Variants in VWA3A observed in about 807,000 individuals in gnomAD.
The protein encoded by VWA3A is von Willebrand factor A domain-containing protein 3A.
Under a neutral mutation model 160.4 loss-of-function variants are expected in VWA3A, and 134 were observed. The observed-to-expected ratio is 0.84, with a 90% CI of 0.73 to 0.96. The LOEUF (loss-of-function observed/expected upper bound fraction) is 0.96, where lower values mean the gene tolerates loss of function less well. VWA3A is among the 40% of genes least tolerant of loss of function. VWA3A has a pLI of 0.00. For synonymous variants in VWA3A, 476 were observed against 543.4 expected, an observed-to-expected ratio of 0.88 and a Z score of 1.72; for missense variants, 1,310 against 1,447.9, an observed-to-expected ratio of 0.90 and a Z score of 1.55.
chr16:22,123,312 G>A (rs2045779960), intron 15 of VWA3A, 147 bp downstream of exon 15: 10 of 1,121,952 alleles, frequency 8.9e-6, no homozygotes, highest in Non-Finnish European at 1.3e-5. Context: ...GCCTCCTGAA[G>A]CTTTGGCCAT....
At chr16:22,106,982 TGAA>T (rs2045491562) in intron 6 of VWA3A, among the ~76,000 whole-genome samples, 1 of 152,168 alleles carries the variant, frequency 6.6e-6, no homozygotes, top group Non-Finnish European at 1.5e-5. Flanking sequence ...GAAACAGTCT[TGAA>T]GAAAACTGAG....
At chr16:22,120,421 ATAAC>A (rs1225903934) in intron 12 of VWA3A, among the ~76,000 whole-genome samples, 1 of 152,246 alleles carries the variant, frequency 6.6e-6, no homozygotes, top group Non-Finnish European at 1.5e-5. Context: ...AAGAAAATTA[ATAAC>A]TAAAAAGCAT....
rs147490330 is a variant in VWA3A at position 22,105,401 on chromosome 16, A to G, written c.483+1872A>G. On this transcript the variant is annotated intron_variant, in intron 6 of 33. Coordinates refer to ENST00000389398, the MANE Select transcript of VWA3A (RefSeq NM_173615.5). ...GCAGGCAGCCTGAGGTGATGGCCAGATAATCGCTGGTCCCTGTTCCTGTTC... is the reference window on the plus strand; with the variant it reads ...GCAGGCAGCCTGAGGTGATGGCCAGGTAATCGCTGGTCCCTGTTCCTGTTC... Among the ~76,000 whole-genome samples the G allele has an allele frequency of 2.8e-3, 425 of 152,304 alleles. 1 individual carries two copies. Among genetic ancestry groups the G allele is most frequent in the Admixed American group, 4.8e-3 (74 of 15,292 alleles).
intron 1 of VWA3A, 63 bp from the exon 2 acceptor site, chr16:22,096,796 C>A: frequency 9.5e-7 from 1 of 1,054,788 alleles, no homozygotes; most frequent in Non-Finnish European, 1.4e-6. Flanking sequence ...ATATAGATAC[C>A]CCCCAAAACT....
chr16:22,110,256 G>T (rs542388391), intron 7 of VWA3A, among the ~76,000 whole-genome samples: 1 of 152,332 alleles, frequency 6.6e-6, no homozygotes, highest in East Asian at 1.9e-4. Context: ...TAGAGAAAAA[G>T]CCTCTGCAGC....
At chr16:22,135,819 T>C (rs951647599) in intron 21 of VWA3A, among the ~76,000 whole-genome samples, 2 of 152,152 alleles carry the variant, frequency 1.3e-5, no homozygotes, top group Non-Finnish European at 2.9e-5. Context: ...AGACAGAGTC[T>C]CACTCTGTCG....
intron 2 of VWA3A, among the ~76,000 whole-genome samples, chr16:22,097,151 G>C (rs1294873440): frequency 6.6e-6 from 1 of 151,890 alleles, no homozygotes; most frequent in Non-Finnish European, 1.5e-5. Context: ...ATTTTTAGTA[G>C]AGACAGGGTT....
rs2046287903 is a variant in VWA3A, at chr16:22,148,175, G to A, written c.2853G>A (p.Leu951=). 3.7e-6 allele frequency: 6 copies of A among 1,601,990 alleles called. No individual in the cohort carries two copies. Among genetic ancestry groups the A allele is most frequent in the African/African-American group, 1.3e-5 (1 of 74,634 alleles). The change falls in exon 28 of 34, where the codon CTG becomes CTA. Residue 951 remains leucine (L), a synonymous_variant. Transcript: ENST00000389398. ...LQWLLSGSRR[L]FGTVLESKVC... ...GTCTCGGAGCAGGGAGCCGCCGACT[G>A]TTTGGCACCGTTTTGGAGAGCAAAG...
At chr16:22,141,368 G>T (rs1373744802) in intron 23 of VWA3A, 1 of 644,684 alleles carries the variant, frequency 1.6e-6, no homozygotes, top group Non-Finnish European at 2.8e-6. Context: ...GCCAGGGAAA[G>T]ATCTGGACTC....
At chr16:22,106,214 G>A (rs1237077042) in intron 6 of VWA3A, among the ~76,000 whole-genome samples, 5 of 151,916 alleles carry the variant, frequency 3.3e-5, no homozygotes, top group African/African-American at 1.2e-4. Flanking sequence ...CTGAAACCCC[G>A]TCTCTACTAA....
At chr16:22,136,937 G>T (rs1288627900) in intron 21 of VWA3A, among the ~76,000 whole-genome samples, 2 of 151,702 alleles carry the variant, frequency 1.3e-5, no homozygotes, top group Non-Finnish European at 2.9e-5. Context: ...AGCTGGGTGT[G>T]GTGGTGCGCA....
intron 21 of VWA3A, among the ~76,000 whole-genome samples, chr16:22,136,509 C>T (rs534993587): frequency 2.7e-4 from 41 of 152,168 alleles, no homozygotes; most frequent in African/African-American, 8.7e-4. Context: ...ACAGAGGGCA[C>T]TTAGCAAGGC....
Position 22,131,631 on chromosome 16 carries a change from G to A in VWA3A, c.1774G>A (p.Ala592Thr), listed in dbSNP as rs777085863. The change falls in exon 19 of 34, where the codon GCC (alanine) becomes ACC (threonine). Residue 592 changes from alanine (A) to threonine (T), a missense_variant. Ala to Thr is a moderately conservative substitution (Grantham distance 58). Transcript: ENST00000389398. Reference protein sequence around the residue: ...RCRGSRNVLSALRKAVEVDFK... With the variant: ...RCRGSRNVLSTLRKAVEVDFK... ...TCGGGGCAGCAGGAACGTTCTCAGCGCCCTGCGGAAGGCTGTGGAAGTAGA... is the reference window on the plus strand; with the variant it reads ...TCGGGGCAGCAGGAACGTTCTCAGCACCCTGCGGAAGGCTGTGGAAGTAGA... 2.9e-5 allele frequency: 47 copies of A among 1,613,778 alleles called. No individual in the cohort carries two copies. Among genetic ancestry groups the A allele is most frequent in the South Asian group, 5.5e-5 (5 of 91,024 alleles).
At chr16:22,146,486 A>G in intron 27 of VWA3A, 142 bp downstream of exon 27, 1 of 689,142 alleles carries the variant, frequency 1.5e-6, no homozygotes, top group Non-Finnish European at 2.4e-6. Context: ...CATCATCCAC[A>G]TACAACATGA....
intron 6 of VWA3A, among the ~76,000 whole-genome samples, chr16:22,107,501 G>C (rs2045498011): frequency 6.6e-6 from 1 of 152,148 alleles, no homozygotes; most frequent in Non-Finnish European, 1.5e-5. Flanking sequence ...CAGCACTTTG[G>C]GAGGCTGAGG....
intron 8 of VWA3A, among the ~76,000 whole-genome samples, chr16:22,112,339 A>G (rs1414769069): frequency 2.0e-5 from 3 of 152,318 alleles, no homozygotes; most frequent in South Asian, 2.1e-4. Flanking sequence ...TATTATCCTC[A>G]TTTTGCTGAT....
At chr16:22,092,701 G>A (rs1421128227) in intron 1 of VWA3A, 50 bp downstream of exon 1, 5 of 1,548,636 alleles carry the variant, frequency 3.2e-6, no homozygotes, top group Non-Finnish European at 4.4e-6. Context: ...AGGGTGTCGG[G>A]GAGGCCAGAT....
At chr16:22,096,794 AC>A (rs1567524040) in intron 1 of VWA3A, 64 bp from the exon 2 acceptor site, 4 of 1,040,136 alleles carry the variant, frequency 3.8e-6, no homozygotes, top group African/African-American at 1.6e-5. Context: ...GAATATAGAT[AC>A]CCCCCAAAAC....
At chr16:22,116,199 AGAAAG>A (rs988694989) in intron 9 of VWA3A, 8 of 353,924 alleles carry the variant, frequency 2.3e-5, no homozygotes, top group African/African-American at 1.3e-4. Context: ...GAAAGAAAAG[AGAAAG>A]GAAAGAAGGA....
Sources: allele counts gnomAD v4.1 joint callset (sites outside exome capture counted in the v4.1 genomes callset), GRCh38; gene constraint gnomAD v4.1.1; transcripts MANE v1.5; gene names NCBI Gene and HGNC (gene_info 2026-07-23, HGNC 2026-07-21).